The following EYS variants were observed in gnomAD, a reference collection of about 807,000 sequenced individuals.
EYS encodes EGF-like photoreceptor maintenance factor, also known as protein eyes shut homolog.
In EYS, 250 loss-of-function variants were observed where a neutral mutation model predicts 282.1. The ratio of observed to expected loss-of-function variants is 0.89; its 90% CI spans 0.80 to 0.98. EYS has a LOEUF of 0.98. Among genes scored for constraint, EYS ranks in the 50% least tolerant of loss-of-function variants. The pLI is 0.00. For missense variants in EYS, 4,016 were observed against 3,709.0 expected, an observed-to-expected ratio of 1.08 and a Z score of -2.15; for synonymous variants, 1,355 against 1,282.9, an observed-to-expected ratio of 1.06 and a Z score of -1.20.
intron 12 of EYS, among the ~76,000 whole-genome samples, chr6:65,234,658 C>T (rs887382477): frequency 6.6e-6 from 1 of 152,080 alleles, no homozygotes; most frequent in Admixed American, 6.6e-5. Context: ...ACACAGAATG[C>T]AAAGTATTTA....
intron 22 of EYS, among the ~76,000 whole-genome samples, chr6:64,779,822 A>G (rs951936535): frequency 5.3e-5 from 8 of 152,188 alleles, no homozygotes; most frequent in Non-Finnish European, 1.0e-4. Flanking sequence ...TAAATTAAAC[A>G]TTATTTTAAA....
intron 13 of EYS, among the ~76,000 whole-genome samples, chr6:65,004,017 T>C (rs1261640227): frequency 6.8e-6 from 1 of 147,186 alleles, no homozygotes; most frequent in Non-Finnish European, 1.5e-5. Flanking sequence ...TCTTCCTGTC[T>C]TTTTCCTCTA....
chr6:64,436,853 G>A (rs371129625), intron 27 of EYS, among the ~76,000 whole-genome samples: 60 of 151,788 alleles, frequency 4.0e-4, no homozygotes, highest in African/African-American at 1.4e-3. Flanking sequence ...GTGCTACATT[G>A]GCTTATTAAG....
At chr6:64,496,344 T>C (rs1488601818) in intron 26 of EYS, among the ~76,000 whole-genome samples, 2 of 148,282 alleles carry the variant, frequency 1.3e-5, no homozygotes, top group African/African-American at 2.5e-5. Flanking sequence ...AAAACTACCA[T>C]GTTTCTCTTG....
At chr6:64,932,781 AGAAAAATCTCT>A (rs1294828176) in intron 15 of EYS, among the ~76,000 whole-genome samples, 1 of 152,044 alleles carries the variant, frequency 6.6e-6, no homozygotes, top group Admixed American at 6.6e-5. Flanking sequence ...CAAAAATCTA[AGAAAAATCTCT>A]GTGAAATGAT....
intron 2 of EYS, among the ~76,000 whole-genome samples, chr6:65,554,374 C>CTTT (rs1438488918): frequency 3.9e-5 from 6 of 152,276 alleles, no homozygotes; most frequent in African/African-American, 1.2e-4. Context: ...TAAACAATCT[C>CTTT]TTTCCTGAAC....
chr6:65,025,934 A>G (rs1248289934), intron 13 of EYS, among the ~76,000 whole-genome samples: 1 of 152,216 alleles, frequency 6.6e-6, no homozygotes, highest in African/African-American at 2.4e-5. Flanking sequence ...AGTCACTCAT[A>G]CAAGAGCTTA....
chr6:64,031,145 G>A (rs1431733364), intron 33 of EYS, among the ~76,000 whole-genome samples: 2 of 152,228 alleles, frequency 1.3e-5, no homozygotes, highest in Non-Finnish European at 1.5e-5. Flanking sequence ...TCAGCTTGCG[G>A]GGAGGTGTGG....
intron 37 of EYS, among the ~76,000 whole-genome samples, chr6:63,794,072 C>T (rs1770582505): frequency 6.6e-6 from 1 of 152,304 alleles, no homozygotes; most frequent in Middle Eastern, 3.4e-3. Context: ...TTGTGCCCCT[C>T]TCTCCCACCT....
chr6:64,591,177 T>C lies in EYS; in HGVS notation c.4690A>G (p.Ile1564Val), dbSNP rs1766396779. Reference sequence around the variant, plus strand: ...TCTGAGAATTCACGAGAGGATTTTATTTCAGTCATAGAACATGTTGCACAT... The same window carrying C: ...TCTGAGAATTCACGAGAGGATTTTACTTCAGTCATAGAACATGTTGCACAT... The part of the protein sequence containing the change: ...QTCATCSMTE[I>V]KSSREFSDQV... The change falls in exon 26 of 43, where the codon ATA (isoleucine) becomes GTA (valine). Residue 1564 changes from isoleucine (I) to valine (V), a missense_variant. By Grantham distance (29) the Ile-to-Val change is conservative (BLOSUM62 3). Transcript: ENST00000503581. The C allele has an allele frequency of 1.9e-6, 3 of 1,551,270 alleles. No homozygotes were observed. The highest frequency in any genetic ancestry group is 2.6e-6 in the Non-Finnish European group (3 of 1,146,806).
chr6:63,994,933 A>G (rs1284410380), intron 34 of EYS, among the ~76,000 whole-genome samples: 3 of 152,052 alleles, frequency 2.0e-5, no homozygotes, highest in Admixed American at 2.0e-4. Flanking sequence ...CCCCTAGAGG[A>G]AAACATGGGG....
At chr6:63,865,346 A>G (rs1275849791) in intron 35 of EYS, among the ~76,000 whole-genome samples, 1 of 152,204 alleles carries the variant, frequency 6.6e-6, no homozygotes, top group Non-Finnish European at 1.5e-5. Flanking sequence ...TGGGTACCAG[A>G]TCTAGCCAGT....
chr6:64,999,265 A>T (rs1771377241), intron 13 of EYS, among the ~76,000 whole-genome samples: 1 of 152,342 alleles, frequency 6.6e-6, no homozygotes, highest in East Asian at 1.9e-4. Context: ...AAGTAACAAA[A>T]AGTAGAGGGT....
chr6:64,531,472 C>T lies in EYS; in HGVS notation c.5644+58751G>A, dbSNP rs1198407018. ...CGTGATCTCGGCTCACTGCAAGCTC[C>T]GCCTCCCGGATTCACGCCATTCTCC... is the stretch of plus-strand genomic sequence containing the variant. On this transcript the variant is annotated intron_variant, in intron 26 of 42. Coordinates refer to ENST00000503581, the MANE Select transcript of EYS (RefSeq NM_001142800.2). 4.0e-5 allele frequency among the ~76,000 whole-genome samples: 6 copies of T among 151,408 alleles called. No homozygotes were observed. In the East Asian group the frequency reaches 5.8e-4, roughly 15 times the overall value.
chr6:64,502,813 AGATG>A (rs1777097596), intron 26 of EYS, among the ~76,000 whole-genome samples: 1 of 152,216 alleles, frequency 6.6e-6, no homozygotes, highest in Non-Finnish European at 1.5e-5. Context: ...TGTTTAAAAT[AGATG>A]TCTGATATTT....
At chr6:64,416,027 T>C (rs548159411) in intron 28 of EYS, among the ~76,000 whole-genome samples, 1 of 152,318 alleles carries the variant, frequency 6.6e-6, no homozygotes, top group African/African-American at 2.4e-5. Context: ...AAGCTGCTCG[T>C]GTGCTATTCC....
intron 27 of EYS, among the ~76,000 whole-genome samples, chr6:64,438,702 A>G (rs1302886808): frequency 1.3e-5 from 2 of 151,740 alleles, no homozygotes; most frequent in East Asian, 3.9e-4. Flanking sequence ...CGTTTGAAAT[A>G]TTAATATCTA....
chr6:64,169,984 C>G (rs116064153), intron 31 of EYS, among the ~76,000 whole-genome samples: 1 of 152,004 alleles, frequency 6.6e-6, no homozygotes, highest in Non-Finnish European at 1.5e-5. Flanking sequence ...GAATATAGAC[C>G]GATGAGGTTT....
chr6:63,908,426 C>T (rs1048221210), intron 35 of EYS, among the ~76,000 whole-genome samples: 15 of 151,966 alleles, frequency 9.9e-5, no homozygotes, highest in African/African-American at 3.1e-4. Flanking sequence ...TACTCATTGC[C>T]TTGGAAAAGG....
Sources: gnomAD v4.1 joint callset for allele counts (sites outside exome capture counted in the v4.1 genomes callset) on GRCh38, gnomAD v4.1.1 for gene constraint, MANE v1.5 for transcripts, NCBI Gene and HGNC (gene_info 2026-07-23, HGNC 2026-07-21) for gene names.